ERAL1: variants seen among roughly 807,000 people sequenced by gnomAD.
The protein encoded by ERAL1 is GTPase Era, mitochondrial.
ERAL1 carries 36 observed loss-of-function variants against 53.6 expected under a neutral mutation model. The ratio of observed to expected loss-of-function variants is 0.67; its 90% confidence interval spans 0.51 to 0.89. The LOEUF (loss-of-function observed/expected upper bound fraction) is 0.89, where lower values mean the gene tolerates loss of function less well. Among genes scored for constraint, ERAL1 ranks in the 40% least tolerant of loss-of-function variants. ERAL1 has a pLI of 0.00. For synonymous variants in ERAL1, 215 were observed against 211.8 expected (o/e 1.02, Z -0.13); for missense variants, 512 against 537.5 (o/e 0.95, Z 0.47).
chr17:28,858,167 G>T lies in ERAL1; in HGVS notation c.558G>T (p.Leu186Phe), dbSNP rs765915077. Reference protein sequence around the residue: ...KQKRHHLELSLLEDPWKSMES... With the variant: ...KQKRHHLELSFLEDPWKSMES... ...TCAGGCATCACCTGGAGCTCTCTTTGTTGGAAGATCCATGGAAGAGCATGG... is the reference window on the plus strand; with the variant it reads ...TCAGGCATCACCTGGAGCTCTCTTTTTTGGAAGATCCATGGAAGAGCATGG... The change falls in exon 5 of 10, where the codon TTG becomes TTT. Residue 186 changes from leucine to phenylalanine, a missense_variant. Leu to Phe is a conservative substitution (Grantham distance 22). Coordinates refer to ENST00000254928, the MANE Select transcript of ERAL1 (RefSeq NM_005702.4). The T allele has an allele frequency of 3.7e-6, 6 of 1,613,954 alleles. No individual in the cohort carries two copies. Among genetic ancestry groups the T allele is most frequent in the Admixed American group, 1.7e-5 (1 of 59,990 alleles).
intron 2 of ERAL1, 46 bp from the exon 3 acceptor site, chr17:28,856,459 C>T (rs758572643): frequency 6.2e-7 from 1 of 1,613,588 alleles, no homozygotes; most frequent in Non-Finnish European, 8.5e-7. Context: ...CAAGGATGGT[C>T]TTGGAGGGAT....
chr17:28,859,398 TTC>T, intron 9 of ERAL1, 115 bp downstream of exon 9: 2 of 1,023,182 alleles, frequency 2.0e-6, no homozygotes, highest in South Asian at 3.2e-5. Context: ...TCTTCTTCTT[TTC>T]TTTTTTTTGA....
rs2039261196 is a variant in ERAL1 at position 28,857,846 on chromosome 17, G to A, written c.490-93G>A. ...AATAATAGTTTGACTGAGAAGGGAG[G>A]GCAGGCTCCTGACATCACAGGTAGC... On this transcript the variant is annotated intron_variant, in intron 3 of 9. Transcript: ENST00000254928. 3 of 1,370,968 alleles carry A rather than the reference G, an allele frequency of 2.2e-6. No individual in the cohort carries two copies. In the Admixed American group the frequency reaches 5.1e-5, roughly 24 times the overall value. 84.9% of individuals were successfully genotyped at this position (1,370,968 alleles called of 1,614,324 possible).
chr17:28,856,680 AT>A, intron 3 of ERAL1, 98 bp downstream of exon 3: 1 of 1,068,088 alleles, frequency 9.4e-7, no homozygotes, highest in Non-Finnish European at 1.4e-6. Flanking sequence ...GGTCACATTC[AT>A]TTATGTGAGG....
chr17:28,857,844 A>C, intron 3 of ERAL1, 95 bp from the exon 4 acceptor site: 1 of 1,334,096 alleles, frequency 7.5e-7, no homozygotes, highest in Non-Finnish European at 1.1e-6. Flanking sequence ...CTGAGAAGGG[A>C]GGGCAGGCTC....
chr17:28,858,545 C>G, intron 6 of ERAL1, 31 bp from the exon 7 acceptor site: 3 of 1,614,052 alleles, frequency 1.9e-6, no homozygotes, highest in Non-Finnish European at 1.7e-6. Flanking sequence ...TATCTCTGAC[C>G]ACACACCCTT....
chr17:28,855,746 G>A (rs1279240183), intron 1 of ERAL1, among the ~76,000 whole-genome samples: 1 of 149,962 alleles, frequency 6.7e-6, no homozygotes, highest in East Asian at 2.0e-4. Flanking sequence ...AAAAGACTGG[G>A]CCCTCTCCCT....
chr17:28,857,665 G>A (rs1405639326), intron 3 of ERAL1, among the ~76,000 whole-genome samples: 2 of 151,958 alleles, frequency 1.3e-5, no homozygotes, highest in Admixed American at 1.3e-4. Context: ...GGTGGTGCAC[G>A]CCTGTAATCC....
At chr17:28,858,297 T>C in intron 5 of ERAL1, 77 bp from the exon 6 acceptor site, 1 of 1,608,658 alleles carries the variant, frequency 6.2e-7, no homozygotes, top group Non-Finnish European at 8.5e-7. Flanking sequence ...GCCAAGCTCA[T>C]ACCATGGAAG....
rs575672624 is a variant in ERAL1, at chr17:28,855,246, A to C, written c.212A>C (p.Asp71Ala). Residue 71 changes from aspartate (D) to alanine (A), a missense_variant, in exon 1 of 10, where the codon GAC becomes GCC. By Grantham distance (126) the Asp-to-Ala change is moderately radical (BLOSUM62 -2). Transcript: ENST00000254928. ...SRSNGQGSAL[D>A]HFLGFSQPDS... is the part of the protein sequence containing the mutation. ...AGTAATGGCCAGGGCTCTGCCCTGG[A>C]CCACTTCCTCGGATTCTCTCAGCCC... 3 of 1,613,406 alleles carry C rather than the reference A, an allele frequency of 1.9e-6. No individual in the cohort carries two copies. In the Admixed American group the frequency reaches 5.0e-5, roughly 27 times the overall value.
At position 28,856,805 on chromosome 17, in the gene ERAL1, A is replaced by C. The variant is rs867914685; in HGVS notation, c.489+223A>C. 3.9e-5 allele frequency: 18 copies of C among 457,084 alleles called. No homozygotes were observed. In the Admixed American group the frequency reaches 5.6e-4, roughly 14 times the overall value. 28.3% of individuals were successfully genotyped at this position (457,084 alleles called of 1,614,324 possible). On this transcript the variant is annotated intron_variant, in intron 3 of 9. Transcript: ENST00000254928. The stretch of plus-strand genomic sequence containing the variant: ...TGGCTCACTGCAAGCTCCACCTCCC[A>C]GGTTGACGCCATTCTCCTGCCTCAG...
intron 5 of ERAL1, 45 bp from the exon 6 acceptor site, chr17:28,858,329 G>A: frequency 6.2e-7 from 1 of 1,609,650 alleles, no homozygotes; most frequent in Non-Finnish European, 8.5e-7. Context: ...GCAGGAGGAA[G>A]AGTGACCATT....
chr17:28,856,128 C>T, intron 1 of ERAL1, 136 bp from the exon 2 acceptor site: 1 of 959,506 alleles, frequency 1.0e-6, no homozygotes, highest in Non-Finnish European at 1.6e-6. Flanking sequence ...GCCAAAGTCT[C>T]AAAGTCAGCT....
intron 4 of ERAL1, 51 bp downstream of exon 4, chr17:28,858,036 TG>T: frequency 6.2e-7 from 1 of 1,612,668 alleles, no homozygotes; most frequent in Non-Finnish European, 8.5e-7. Flanking sequence ...TGAAAGAGGG[TG>T]GGGAGATTCC....
intron 4 of ERAL1, 62 bp downstream of exon 4, chr17:28,858,047 C>T: frequency 6.2e-7 from 1 of 1,612,868 alleles, no homozygotes. Context: ...GGGGAGATTC[C>T]ATTATAGGGG....
At chr17:28,859,553 T>G (rs1381236737) in intron 9 of ERAL1, among the ~76,000 whole-genome samples, 2 of 151,818 alleles carry the variant, frequency 1.3e-5, no homozygotes, top group African/African-American at 2.4e-5. Flanking sequence ...TCTTTTTTTT[T>G]TTTTGAGACA....
chr17:28,856,470 C>G lies in ERAL1; in HGVS notation c.412-35C>G, dbSNP rs2291486. On this transcript the variant is annotated intron_variant, in intron 2 of 9. Transcript: ENST00000254928. ...CCTTCAAGGATGGTCTTGGAGGGAT[C>G]TGGGACCTCACTGAGACTCCTTTGT... The G allele has an allele frequency of 4.2e-4, 680 of 1,613,558 alleles. 7 individuals carry two copies. The East Asian group carries it at 0.013, about 32-fold the overall frequency.
intron 3 of ERAL1, among the ~76,000 whole-genome samples, chr17:28,856,844 T>G (rs1189093665): frequency 6.6e-6 from 1 of 151,712 alleles, no homozygotes; most frequent in Non-Finnish European, 1.5e-5. Context: ...CCTGAGTAGC[T>G]GGGACTACAG....
Position 28,855,272 on chromosome 17 carries a change from G to C in ERAL1, c.238G>C (p.Asp80His). The change falls in exon 1 of 10, where the codon GAC becomes CAC. Residue 80 changes from aspartate (D) to histidine (H), a missense_variant. Asp to His is a moderately conservative substitution (Grantham distance 81). Transcript: ENST00000254928. ...CCACTTCCTCGGATTCTCTCAGCCC[G>C]ACAGTTCGGTGACTCCTTGCGTCCC... ...LDHFLGFSQP[D>H]SSVTPCVPAV... The C allele has an allele frequency of 6.2e-7, 1 of 1,610,446 alleles. No homozygotes were observed. Among genetic ancestry groups the C allele is most frequent in the Non-Finnish European group, 8.5e-7 (1 of 1,177,758 alleles).
Sources: allele counts gnomAD v4.1 joint callset (sites outside exome capture counted in the v4.1 genomes callset), GRCh38; gene constraint gnomAD v4.1.1; transcripts MANE v1.5; gene names NCBI Gene and HGNC (gene_info 2026-07-23, HGNC 2026-07-21).